Variants in GRSF1 observed in about 807,000 individuals in gnomAD.
The protein encoded by GRSF1 is G-rich sequence factor 1.
GRSF1 carries 50 observed loss-of-function variants against 51.1 expected under a neutral mutation model. The observed-to-expected ratio is 0.98, with a 90% CI of 0.78 to 1.24. The LOEUF (loss-of-function observed/expected upper bound fraction) is 1.24. Among genes scored for constraint, GRSF1 ranks in the 50% most tolerant of loss-of-function variants. The pLI, the probability that GRSF1 is intolerant of heterozygous loss-of-function variation, is 0.00. For missense variants in GRSF1, 700 were observed against 639.7 expected (o/e 1.09, Z -1.02); for synonymous variants, 293 against 253.3 (o/e 1.16, Z -1.49).
intron 5 of GRSF1, among the ~76,000 whole-genome samples, chr4:70,830,607 C>A (rs1246361194): frequency 5.9e-5 from 9 of 151,722 alleles, no homozygotes; most frequent in African/African-American, 1.7e-4. Context: ...TGACTTGAGT[C>A]CGGGAGTTCT....
At position 70,825,282 on chromosome 4, in the gene GRSF1, A is replaced by G. The variant is rs756353284; in HGVS notation, c.1393+14T>C. ...GCATCAAAAATGACAACAAAAGCCA[A>G]AGGCAGGACTTACGAACGTGGGACC... On this transcript the variant is annotated intron_variant, in intron 8 of 9. Transcript: ENST00000254799. 7.0e-6 allele frequency: 11 copies of G among 1,579,030 alleles called. No individual in the cohort carries two copies. In the Admixed American group the frequency reaches 2.0e-4, roughly 28 times the overall value.
chr4:70,838,957 G>C (rs1162723837), intron 1 of GRSF1: 8 of 365,624 alleles, frequency 2.2e-5, no homozygotes, highest in Non-Finnish European at 4.1e-5. Flanking sequence ...ACGGCGCGAT[G>C]GGGACAGGCT....
chr4:70,839,616 A>C lies in GRSF1; in HGVS notation c.212T>G (p.Val71Gly). 7.1e-7 allele frequency: 1 copy of C among 1,408,374 alleles called. No homozygotes were observed. 87.2% of individuals were successfully genotyped at this position (1,408,374 alleles called of 1,614,324 possible). Residue 71 changes from valine to glycine, a missense_variant, in exon 1 of 10, where the codon GTG becomes GGG. Transcript: ENST00000254799. The part of the protein sequence containing the change: ...SQTRGLQTGP[V>G]PPGRLAGPPA... ...AGGCCCCGCCAGCCTCCCGGGAGGCACAGGCCCGGTCTGGAGGCCACGCGT... is the reference window on the plus strand; with the variant it reads ...AGGCCCCGCCAGCCTCCCGGGAGGCCCAGGCCCGGTCTGGAGGCCACGCGT...
chr4:70,833,100 T>C lies in GRSF1; in HGVS notation c.670+18A>G. ...CTAATGCAATGATCCCAAAAAGCCATAATCTGACTTCACATACCTTCCACA... is the reference window on the plus strand; with the variant it reads ...CTAATGCAATGATCCCAAAAAGCCACAATCTGACTTCACATACCTTCCACA... On this transcript the variant is annotated intron_variant, in intron 3 of 9. Coordinates refer to ENST00000254799, the MANE Select transcript of GRSF1 (RefSeq NM_002092.4). 3 of 1,606,982 alleles carry C rather than the reference T, an allele frequency of 1.9e-6. No individual in the cohort carries two copies. Among genetic ancestry groups the C allele is most frequent in the African/African-American group, 1.3e-5 (1 of 74,764 alleles).
Position 70,826,129 on chromosome 4 carries a change from T to C in GRSF1, c.1252A>G (p.Ile418Val), listed in dbSNP as rs932790813. The C allele has an allele frequency of 6.2e-6, 10 of 1,610,436 alleles. No homozygotes were observed. The highest frequency in any genetic ancestry group is 1.3e-5 in the African/African-American group (1 of 74,796). Residue 418 changes from isoleucine to valine, a missense_variant, in exon 7 of 10, where the codon ATA becomes GTA. Ile to Val is a conservative substitution (Grantham distance 29). Transcript: ENST00000254799. ...GATATCTTACTGCCACACACGTTTA[T>C]AATGTCTTGGGCATTGGCTTGGAAA... ...LPFQANAQDI[I>V]NFFAPLKPVR...
intron 2 of GRSF1, among the ~76,000 whole-genome samples, chr4:70,833,848 T>A (rs1362115353): frequency 6.6e-6 from 1 of 152,120 alleles, no homozygotes; most frequent in Admixed American, 6.6e-5. Flanking sequence ...GCATACTTTT[T>A]ATAATGGGAG....
intron 3 of GRSF1, among the ~76,000 whole-genome samples, chr4:70,832,912 C>A (rs1459677915): frequency 2.0e-5 from 3 of 152,198 alleles, no homozygotes; most frequent in Non-Finnish European, 4.4e-5. Flanking sequence ...CGCACCACTG[C>A]ACTCCAGCCT....
chr4:70,834,487 T>C (rs1381413355), intron 2 of GRSF1, among the ~76,000 whole-genome samples: 1 of 152,174 alleles, frequency 6.6e-6, no homozygotes, highest in Admixed American at 6.5e-5. Context: ...AGAAAAATAA[T>C]TTCAAACCAT....
intron 2 of GRSF1, among the ~76,000 whole-genome samples, chr4:70,833,653 T>C (rs900780449): frequency 6.6e-6 from 1 of 152,198 alleles, no homozygotes; most frequent in Non-Finnish European, 1.5e-5. Context: ...CTCTAAAATA[T>C]TTCCTGTATG....
chr4:70,825,705 G>GTGGA, intron 7 of GRSF1: 1 of 309,230 alleles, frequency 3.2e-6, no homozygotes, highest in Non-Finnish European at 5.9e-6. Context: ...GCCGAGGACA[G>GTGGA]TGGATCGCTT....
chr4:70,835,733 G>A (rs1056216146), intron 2 of GRSF1, among the ~76,000 whole-genome samples: 2 of 151,904 alleles, frequency 1.3e-5, no homozygotes, highest in African/African-American at 2.4e-5. Context: ...GAGCCACTGC[G>A]CCTGGCCCAT....
intron 9 of GRSF1, among the ~76,000 whole-genome samples, chr4:70,823,371 T>A (rs1442393451): frequency 6.6e-6 from 1 of 151,710 alleles, no homozygotes; most frequent in Non-Finnish European, 1.5e-5. Context: ...CACTCCAGCC[T>A]GGGCAACAAG....
intron 5 of GRSF1, among the ~76,000 whole-genome samples, chr4:70,829,890 A>G (rs1733889417): frequency 6.6e-6 from 1 of 152,094 alleles, no homozygotes; most frequent in South Asian, 2.1e-4. Context: ...ACTTCAAAGG[A>G]GCTGATTTAA....
At chr4:70,832,181 G>A in intron 4 of GRSF1, 126 bp downstream of exon 4, 1 of 562,864 alleles carries the variant, frequency 1.8e-6, no homozygotes, top group East Asian at 3.0e-5. Context: ...TAAGTGAAGA[G>A]CTCTCCCCTA....
upstream of GRSF1, chr4:70,840,040 G>A (rs923625707): frequency 6.2e-6 from 3 of 481,442 alleles, no homozygotes; most frequent in African/African-American, 6.2e-5. Context: ...TGGTTTGGGC[G>A]GGGCTGCCCA....
upstream of GRSF1, among the ~76,000 whole-genome samples, chr4:70,843,088 A>C (rs1560607104): frequency 6.6e-6 from 1 of 152,122 alleles, no homozygotes; most frequent in Non-Finnish European, 1.5e-5. Flanking sequence ...TAAATAAATA[A>C]AATTAAATTA....
At chr4:70,827,825 G>C (rs1733796192) in intron 6 of GRSF1, 27 bp downstream of exon 6, 4 of 1,493,470 alleles carry the variant, frequency 2.7e-6, no homozygotes, top group Non-Finnish European at 2.8e-6. Flanking sequence ...TAGACCCAAT[G>C]AGTCTCAAGA....
At chr4:70,831,706 C>CA (rs1733975614) in intron 4 of GRSF1, 32 bp from the exon 5 acceptor site, 5 of 1,579,486 alleles carry the variant, frequency 3.2e-6, no homozygotes, top group Non-Finnish European at 4.3e-6. Context: ...ATGCTACTAG[C>CA]AGGCTTTTTT....
upstream of GRSF1, among the ~76,000 whole-genome samples, chr4:70,841,750 A>T (rs1025147261): frequency 2.0e-5 from 3 of 152,212 alleles, no homozygotes; most frequent in African/African-American, 7.2e-5. Context: ...CCCAACCAAA[A>T]AACAAAGAAC....
Sources: allele counts gnomAD v4.1 joint callset (sites outside exome capture counted in the v4.1 genomes callset), GRCh38; gene constraint gnomAD v4.1.1; transcripts MANE v1.5; gene names NCBI Gene and HGNC (gene_info 2026-07-23, HGNC 2026-07-21).